The following WDR97 variants were observed in gnomAD, a reference collection of about 807,000 sequenced individuals.
WDR97 encodes WD repeat domain 97, also known as WD repeat-containing protein 97.
A neutral mutation model predicts 65.4 loss-of-function variants in WDR97; 111 were observed. The ratio of observed to expected loss-of-function variants is 1.70; its 90% CI spans 1.45 to 1.99. WDR97 has a LOEUF of 1.99. Ranked by LOEUF, WDR97 falls within the 30% of genes most tolerant of loss-of-function variation. WDR97 has a pLI of 0.00. For synonymous variants in WDR97, 802 were observed against 397.7 expected (o/e 2.02, Z -12.10); for missense variants, 1,674 against 865.0 (o/e 1.94, Z -11.73).
chr8:144,110,760 G>A (rs910478867), intron 8 of WDR97, 21 bp downstream of exon 8: 1 of 702,612 alleles, frequency 1.4e-6, no homozygotes, highest in Non-Finnish European at 2.6e-6. Flanking sequence ...AGGTGGGGAG[G>A]GCTGGGGTCT....
rs961280253 is a variant in WDR97 at position 144,114,493 on chromosome 8, C to T, written c.3792+18C>T. On this transcript the variant is annotated intron_variant, in intron 19 of 23. Coordinates refer to ENST00000323662, the MANE Select transcript of WDR97 (RefSeq NM_001316309.2). ...GCCTCCAGGTGTGCCCCTTGTCCTGCCCCCAGTTTTCCTCCCCGCCCACCG... is the reference window on the plus strand; with the variant it reads ...GCCTCCAGGTGTGCCCCTTGTCCTGTCCCCAGTTTTCCTCCCCGCCCACCG... The T allele has an allele frequency of 4.3e-6, 3 of 702,006 alleles. No individual in the cohort carries two copies. Among genetic ancestry groups the T allele is most frequent in the South Asian group, 3.0e-5 (2 of 67,590 alleles). 43.5% of individuals were successfully genotyped at this position (702,006 alleles called of 1,614,324 possible).
At position 144,109,688 on chromosome 8, in the gene WDR97, G is replaced by A. The variant is rs1406270282; in HGVS notation, c.1354G>A (p.Asp452Asn). Reference protein sequence around the residue: ...LPTRLVCACADGSVYLLSAAT... With the variant: ...LPTRLVCACANGSVYLLSAAT... ...TACGCGCCTCGTGTGCGCGTGCGCC[G>A]ACGGCTCGGTCTACCTCCTGTCGGC... Residue 452 changes from aspartate (D) to asparagine (N), a missense_variant, in exon 5 of 24, where the codon GAC (aspartate) becomes AAC (asparagine). Physicochemically the swap from Asp to Asn is conservative, Grantham distance 23 (BLOSUM62 1). Transcript: ENST00000323662. 6.0e-6 allele frequency: 4 copies of A among 670,180 alleles called. No individual in the cohort carries two copies. In the East Asian group the frequency reaches 8.6e-5, roughly 14 times the overall value. 41.5% of individuals were successfully genotyped at this position (670,180 alleles called of 1,614,324 possible). A position where few individuals can be genotyped will look rare whatever the true frequency, so the allele number is the denominator to read the frequency against.
chr8:144,115,611 G>C lies in WDR97; in HGVS notation c.4348G>C (p.Glu1450Gln). Residue 1450 changes from glutamate to glutamine, a missense_variant, in exon 22 of 24, where the codon GAG (glutamate) becomes CAG (glutamine). Glu to Gln is a conservative substitution (Grantham distance 29). Transcript: ENST00000323662. Reference sequence around the variant, plus strand: ...GCTGAAGAGCTTCTGCCTGGAGCCCGAGGCCCGCCTGCACCCTGCCGGGCC... The same window carrying C: ...GCTGAAGAGCTTCTGCCTGGAGCCCCAGGCCCGCCTGCACCCTGCCGGGCC... The part of the protein sequence containing the change: ...ETLKSFCLEP[E>Q]ARLHPAGPAQ... The C allele has an allele frequency of 1.5e-6, 1 of 682,528 alleles. No homozygotes were observed. Among genetic ancestry groups the C allele is most frequent in the Non-Finnish European group, 2.7e-6 (1 of 372,520 alleles). The allele number at this position is 682,528 out of a possible 1,614,324, so 42.3% of individuals were successfully genotyped here. A position where few individuals can be genotyped will look rare whatever the true frequency, so the allele number is the denominator to read the frequency against.
rs927727602 is a variant in WDR97, at chr8:144,110,410, C to T, written c.1913C>T (p.Thr638Ile). ...GAAGAGAGCCTGAGCCTGCTGCGCA[C>T]CTTCTCCTGCTGCTACCCGGCCGTG... ...YAEESLSLLRTFSCCYPAVAL... is the reference protein window; with the variant it reads ...YAEESLSLLRIFSCCYPAVAL... The change falls in exon 7 of 24, where the codon ACC becomes ATC. Residue 638 changes from threonine (T) to isoleucine (I), a missense_variant. Thr to Ile is a moderately conservative substitution (Grantham distance 89). Transcript: ENST00000323662. 5 of 703,028 alleles carry T rather than the reference C, an allele frequency of 7.1e-6. No homozygotes were observed. Among genetic ancestry groups the T allele is most frequent in the African/African-American group, 7.0e-5 (4 of 57,398 alleles). The allele number at this position is 703,028 out of a possible 1,614,324, so 43.5% of individuals were successfully genotyped here. A position where few individuals can be genotyped will look rare whatever the true frequency, so the allele number is the denominator to read the frequency against.
intron 15 of WDR97, 29 bp downstream of exon 15, chr8:144,112,559 C>T: frequency 1.4e-6 from 1 of 702,442 alleles, no homozygotes; most frequent in Non-Finnish European, 2.6e-6. Flanking sequence ...TCCTGGAGAG[C>T]CACTCCTCTC....
intron 18 of WDR97, 22 bp downstream of exon 18, chr8:144,114,184 A>G (rs1394536800): frequency 1.4e-6 from 1 of 701,036 alleles, no homozygotes; most frequent in Admixed American, 2.0e-5. Flanking sequence ...CTGGGGATGC[A>G]TGAGAAGCAT....
chr8:144,110,820 G>A (rs1248822581), intron 8 of WDR97, 44 bp from the exon 9 acceptor site: 19 of 702,402 alleles, frequency 2.7e-5, no homozygotes, highest in Middle Eastern at 2.3e-4. Context: ...AGTGGAGAAG[G>A]CCTTGTCCCT....
chr8:144,113,806 G>A lies in WDR97; in HGVS notation c.3333G>A (p.Glu1111=). ...KKEEEEEKED[E]ELDWALASLS... ...AAGAGGAGGAGGAGAAGGAAGACGAGGAGCTGGACTGGGCCTTGGCTTCCC... is the reference window on the plus strand; with the variant it reads ...AAGAGGAGGAGGAGAAGGAAGACGAAGAGCTGGACTGGGCCTTGGCTTCCC... The change falls in exon 17 of 24, where the codon GAG becomes GAA. Residue 1111 remains glutamate (E), a synonymous_variant. Transcript: ENST00000323662. 1 of 702,766 alleles carries A rather than the reference G, an allele frequency of 1.4e-6. No homozygotes were observed. The allele number at this position is 702,766 out of a possible 1,614,324, so 43.5% of individuals were successfully genotyped here. A position where few individuals can be genotyped will look rare whatever the true frequency, so the allele number is the denominator to read the frequency against.
chr8:144,118,093 G>C lies in WDR97; in HGVS notation c.*1800G>C, dbSNP rs1814806209. 1 of 152,178 alleles carries C rather than the reference G, an allele frequency of 6.6e-6. No individual in the cohort carries two copies. The highest frequency in any genetic ancestry group is 6.5e-5 in the Admixed American group (1 of 15,274). The allele number at this position is 152,178 out of a possible 1,614,324, so 9.4% of individuals were successfully genotyped here. A position where few individuals can be genotyped will look rare whatever the true frequency, so the allele number is the denominator to read the frequency against. ...AGTTATAAGCCAGGAACTGTGGATG[G>C]AAACCAATGACAGATATCATAATAT... On this transcript the variant is annotated 3_prime_UTR_variant, in exon 24 of 24. Coordinates refer to ENST00000323662, the MANE Select transcript of WDR97 (RefSeq NM_001316309.2).
chr8:144,107,942 CAA>C, intron 1 of WDR97, 80 bp downstream of exon 1: 1 of 701,784 alleles, frequency 1.4e-6, no homozygotes, highest in Admixed American at 2.0e-5. Context: ...TCCCCTGGAA[CAA>C]AACTCCCCTG....
At position 144,108,618 on chromosome 8, in the gene WDR97, G is replaced by A. The variant is rs949977716; in HGVS notation, c.552G>A (p.Leu184=). Reference sequence around the variant, plus strand: ...TTCTGAGGCCCAACCTCAGCCTGCTGTGGCTGAGCGAGCAGGGGGTGGGCA... The same window carrying A: ...TTCTGAGGCCCAACCTCAGCCTGCTATGGCTGAGCGAGCAGGGGGTGGGCA... ...LAILRPNLSL[L]WLSEQGVGRA... The change falls in exon 3 of 24, where the codon CTG becomes CTA. Residue 184 remains leucine, a synonymous_variant. Coordinates refer to ENST00000323662, the MANE Select transcript of WDR97 (RefSeq NM_001316309.2). The A allele has an allele frequency of 1.4e-6, 1 of 700,630 alleles. No individual in the cohort carries two copies. The highest frequency in any genetic ancestry group is 2.6e-6 in the Non-Finnish European group (1 of 384,414). The allele number at this position is 700,630 out of a possible 1,614,324, so 43.4% of individuals were successfully genotyped here. A position where few individuals can be genotyped will look rare whatever the true frequency, so the allele number is the denominator to read the frequency against.
At position 144,113,497 on chromosome 8, in the gene WDR97, C is replaced by T. The variant is rs1240003832; in HGVS notation, c.3163C>T (p.Gln1055Ter). The T allele has an allele frequency of 1.0e-5, 7 of 700,786 alleles. No homozygotes were observed. Among genetic ancestry groups the T allele is most frequent in the Non-Finnish European group, 1.8e-5 (7 of 383,578 alleles). 43.4% of individuals were successfully genotyped at this position (700,786 alleles called of 1,614,324 possible). ...GYVPNSAVLQ[Q>*]MWLNAEPGAS... The stretch of plus-strand genomic sequence containing the variant: ...TGTGCCCAACTCCGCGGTGCTACAG[C>T]AGATGTGGCTAAATGCGGAGGTCAG... Residue 1055 changes from glutamine to a stop codon, truncating the protein, a stop_gained, in exon 16 of 24, where the codon CAG becomes TAG. Transcript: ENST00000323662. LOFTEE classifies it high-confidence loss of function.
intron 22 of WDR97, 23 bp downstream of exon 22, chr8:144,115,881 G>T (rs1402887246): frequency 5.7e-6 from 4 of 696,994 alleles, no homozygotes; most frequent in Non-Finnish European, 1.0e-5. Flanking sequence ...TGCGCCGGCG[G>T]GGCCTGCGTG....
chr8:144,110,339 A>G lies in WDR97; in HGVS notation c.1844-2A>G, dbSNP rs764791935. ...GGCCCAGCCAGATTCCGCTGCCCAC[A>G]GGTGGGGACCTGACGGTGAAGATGT... On this transcript the variant is annotated splice_acceptor_variant, in intron 6 of 23. Coordinates refer to ENST00000323662, the MANE Select transcript of WDR97 (RefSeq NM_001316309.2). LOFTEE classifies it high-confidence loss of function. 5 of 702,746 alleles carry G rather than the reference A, an allele frequency of 7.1e-6. No homozygotes were observed. The South Asian group carries it at 7.4e-5, about 10-fold the overall frequency. The allele number at this position is 702,746 out of a possible 1,614,324, so 43.5% of individuals were successfully genotyped here.
rs564109072 is a variant in WDR97, at chr8:144,109,612, C to G, written c.1278C>G (p.Leu426=). The part of the protein sequence containing the change: ...SPLAQLPAKV[L]HVQVAPALPA... ...TGGCGCAACTGCCCGCCAAGGTGCT[C>G]CACGTGCAGGTGGCGCCCGCGTTGC... The change falls in exon 5 of 24, where the codon CTC becomes CTG. Residue 426 remains leucine (L), a synonymous_variant. Transcript: ENST00000323662. The G allele has an allele frequency of 1.7e-4, 114 of 687,572 alleles. No individual in the cohort carries two copies. In the South Asian group the frequency reaches 1.7e-3, roughly 10 times the overall value. 42.6% of individuals were successfully genotyped at this position (687,572 alleles called of 1,614,324 possible).
chr8:144,111,053 A>G, intron 9 of WDR97, 48 bp from the exon 10 acceptor site: 2 of 702,508 alleles, frequency 2.8e-6, no homozygotes, highest in Non-Finnish European at 5.2e-6. Context: ...CTTGGGGGGC[A>G]GACCCAGGTT....
intron 4 of WDR97, 60 bp downstream of exon 4, chr8:144,109,230 T>C (rs1587623028): frequency 2.9e-6 from 2 of 701,432 alleles, no homozygotes; most frequent in African/African-American, 3.5e-5. Flanking sequence ...CTCTAGGCTG[T>C]CCAGCATCTC....
In WDR97 at chr8:144,116,000, G is replaced by A; in HGVS notation, c.4653G>A (p.Ala1551=). The change falls in exon 23 of 24, where the codon GCG becomes GCA. Residue 1551 remains alanine (A), a synonymous_variant. Coordinates refer to ENST00000323662, the MANE Select transcript of WDR97 (RefSeq NM_001316309.2). Reference sequence around the variant, plus strand: ...AGCCGCAGAGGTCCGCGAGGTCCGCGATGAGACTGAGGGGTGAGTGGAGCC... The same window carrying A: ...AGCCGCAGAGGTCCGCGAGGTCCGCAATGAGACTGAGGGGTGAGTGGAGCC... ...EAKPQRSARS[A]MRLRGPMRSR... The A allele has an allele frequency of 1.4e-6, 1 of 700,442 alleles. No homozygotes were observed. The highest frequency in any genetic ancestry group is 2.6e-6 in the Non-Finnish European group (1 of 384,436). The allele number at this position is 700,442 out of a possible 1,614,324, so 43.4% of individuals were successfully genotyped here. A position where few individuals can be genotyped will look rare whatever the true frequency, so the allele number is the denominator to read the frequency against.
Position 144,113,435 on chromosome 8 carries a change from T to C in WDR97, c.3106-5T>C. On this transcript the variant is annotated splice_polypyrimidine_tract_variant and splice_region_variant and intron_variant, in intron 15 of 23. Transcript: ENST00000323662. The stretch of plus-strand genomic sequence containing the variant: ...CTCAGCATTCCCTGCTGTGCCCACC[T>C]CCAGCACTGCCTGAGGCCCATCTGC... The C allele has an allele frequency of 1.4e-6, 1 of 702,168 alleles. No individual in the cohort carries two copies. The highest frequency in any genetic ancestry group is 2.7e-5 in the East Asian group (1 of 37,272). 43.5% of individuals were successfully genotyped at this position (702,168 alleles called of 1,614,324 possible).
Sources: gnomAD v4.1 joint callset for allele counts on GRCh38, gnomAD v4.1.1 for gene constraint, MANE v1.5 for transcripts, NCBI Gene and HGNC (gene_info 2026-07-23, HGNC 2026-07-21) for gene names.